Variants in DAZAP1 observed in about 807,000 individuals in gnomAD.
DAZAP1 encodes the protein DAZ associated protein 1.
Under a neutral mutation model 60.1 loss-of-function variants are expected in DAZAP1, and 6 were observed. That is an observed-to-expected ratio of 0.10 (90% CI 0.05 to 0.20). DAZAP1 has a LOEUF of 0.20. DAZAP1 is among the 10% of genes least tolerant of loss of function. The pLI is 1.00. For missense variants in DAZAP1, 366 were observed against 560.4 expected, an observed-to-expected ratio of 0.65 and a Z score of 3.50; for synonymous variants, 235 against 215.9, an observed-to-expected ratio of 1.09 and a Z score of -0.78.
chr19:1,429,861 C>T, intron 8 of DAZAP1, 106 bp from the exon 9 acceptor site: 1 of 1,398,436 alleles, frequency 7.2e-7, no homozygotes, highest in Non-Finnish European at 9.9e-7. Context: ...GCACAGGAGG[C>T]TCCGGGGTTG....
At chr19:1,430,040 T>A (rs532715486) in intron 9 of DAZAP1, 44 bp downstream of exon 9, 1 of 1,578,418 alleles carries the variant, frequency 6.3e-7, no homozygotes, top group African/African-American at 1.3e-5. Flanking sequence ...AGAAGCCACA[T>A]GGCAGGCTGA....
chr19:1,410,609 G>T (rs1050149476), intron 1 of DAZAP1, among the ~76,000 whole-genome samples: 4 of 152,230 alleles, frequency 2.6e-5, no homozygotes, highest in Non-Finnish European at 5.9e-5. Flanking sequence ...CGCGGCCGGG[G>T]TCGCCACATC....
chr19:1,408,531 C>T (rs2082731156), intron 1 of DAZAP1, among the ~76,000 whole-genome samples: 1 of 151,948 alleles, frequency 6.6e-6, no homozygotes, highest in African/African-American at 2.4e-5. Context: ...TCCCCGCTCC[C>T]ATCCCACCCC....
rs1311133230 is a variant in DAZAP1, at chr19:1,418,096, G to A, written c.71-108G>A. 4 of 1,155,596 alleles carry A rather than the reference G, an allele frequency of 3.5e-6. No homozygotes were observed. The highest frequency in any genetic ancestry group is 1.9e-5 in the Admixed American group (1 of 52,814). The allele number at this position is 1,155,596 out of a possible 1,614,324, so 71.6% of individuals were successfully genotyped here. ...CCCCACCCCCAGTGCAGCATCGCTC[G>A]GTGCGTGGCTGGTGGACTGGAGGAG... On this transcript the variant is annotated intron_variant, in intron 2 of 11. Transcript: ENST00000233078. This position sits in a 1 kb window ranked among gnomAD's most constrained non-coding sequence, Gnocchi z 5.7.
In DAZAP1 at chr19:1,422,311, C is replaced by T. The variant is rs2083181085; in HGVS notation, c.415-37C>T. On this transcript the variant is annotated intron_variant, in intron 5 of 11. Transcript: ENST00000233078. This position sits in a 1 kb window ranked among gnomAD's most constrained non-coding sequence, Gnocchi z 4.5. The stretch of plus-strand genomic sequence containing the variant: ...CTCGGAAGACCACCTGTGGTGCTGG[C>T]CCTGGTGTCCGTGCTGACGCCACCC... The T allele has an allele frequency of 2.5e-6, 4 of 1,603,002 alleles. No homozygotes were observed. In the Admixed American group the frequency reaches 5.0e-5, roughly 20 times the overall value.
At position 1,425,510 on chromosome 19, in the gene DAZAP1, T is replaced by G. The variant is rs1468139897; in HGVS notation, c.464-368T>G. 3.3e-5 allele frequency among the ~76,000 whole-genome samples: 5 copies of G among 152,234 alleles called. No homozygotes were observed. The highest frequency in any genetic ancestry group is 1.3e-4 in the Admixed American group (2 of 15,290). On this transcript the variant is annotated intron_variant, in intron 6 of 11. Transcript: ENST00000233078. This position sits in a 1 kb window ranked among gnomAD's most constrained non-coding sequence, Gnocchi z 5.4. ...TCTGACCCTCCCCTGGGGGGCGCTT[T>G]GTCTGCCAGTAGCGATGGAGGCCCT...
chr19:1,415,951 G>A (rs2082971714), intron 1 of DAZAP1: 2 of 152,132 alleles, frequency 1.3e-5, no homozygotes, highest in Non-Finnish European at 2.9e-5. Context: ...GTGGGAACAT[G>A]CTTTGTTTTT....
intron 1 of DAZAP1, among the ~76,000 whole-genome samples, chr19:1,408,401 G>C (rs905185157): frequency 5.9e-5 from 9 of 152,178 alleles, no homozygotes; most frequent in Non-Finnish European, 2.9e-5. Context: ...ACTGTGGCGT[G>C]GGGGGTGGTC....
Position 1,432,340 on chromosome 19 carries a change from C to T in DAZAP1, c.872-174C>T. ...GTGTGTGTTTCCTGGGGGGAGCGGCCCGGGACCGTGGCTCTGTGGTCCATT... is the reference window on the plus strand; with the variant it reads ...GTGTGTGTTTCCTGGGGGGAGCGGCTCGGGACCGTGGCTCTGTGGTCCATT... On this transcript the variant is annotated intron_variant, in intron 10 of 11. Coordinates refer to ENST00000233078, the MANE Select transcript of DAZAP1 (RefSeq NM_018959.4). The surrounding 1 kb of genome is among the most constrained non-coding windows in gnomAD (Gnocchi z 4.9). 1 of 701,970 alleles carries T rather than the reference C, an allele frequency of 1.4e-6. No homozygotes were observed. Among genetic ancestry groups the T allele is most frequent in the Non-Finnish European group, 2.5e-6 (1 of 400,954 alleles). 43.5% of individuals were successfully genotyped at this position (701,970 alleles called of 1,614,324 possible).
intron 8 of DAZAP1, among the ~76,000 whole-genome samples, chr19:1,429,406 G>A (rs905336884): frequency 7.9e-5 from 12 of 152,234 alleles, no homozygotes; most frequent in African/African-American, 2.4e-4. Flanking sequence ...GCCACCTGCC[G>A]TTCCCTCTGC....
chr19:1,432,394 C>T lies in DAZAP1; in HGVS notation c.872-120C>T. ...TGGATGTCCACAAGGCCTGGGCGTT[C>T]TGTGGGTTTGGGTGGCAGTCCCGTC... On this transcript the variant is annotated intron_variant, in intron 10 of 11. Coordinates refer to ENST00000233078, the MANE Select transcript of DAZAP1 (RefSeq NM_018959.4). This position sits in a 1 kb window ranked among gnomAD's most constrained non-coding sequence, Gnocchi z 4.9. 1 of 1,033,660 alleles carries T rather than the reference C, an allele frequency of 9.7e-7. No homozygotes were observed. The highest frequency in any genetic ancestry group is 1.3e-5 in the South Asian group (1 of 74,162). The allele number at this position is 1,033,660 out of a possible 1,614,324, so 64.0% of individuals were successfully genotyped here.
At chr19:1,413,336 C>T (rs1214613306) in intron 1 of DAZAP1, among the ~76,000 whole-genome samples, 1 of 152,260 alleles carries the variant, frequency 6.6e-6, no homozygotes, top group African/African-American at 2.4e-5. Context: ...CTGGGAGGTG[C>T]CTGCCCAGGG....
chr19:1,409,188 C>T (rs1348175789), intron 1 of DAZAP1, among the ~76,000 whole-genome samples: 2 of 152,240 alleles, frequency 1.3e-5, no homozygotes, highest in East Asian at 3.8e-4. Flanking sequence ...GTCCGTGTGC[C>T]TGTGTGAGGG....
intron 9 of DAZAP1, 96 bp from the exon 10 acceptor site, chr19:1,430,126 G>A (rs775125336): frequency 6.6e-7 from 1 of 1,507,738 alleles, no homozygotes; most frequent in Non-Finnish European, 9.1e-7. Flanking sequence ...AGAGGGTGAG[G>A]GGCCTGCTAG....
At position 1,423,426 on chromosome 19, in the gene DAZAP1, C is replaced by T. The variant is rs2083217815; in HGVS notation, c.463+1030C>T. 1.3e-5 allele frequency among the ~76,000 whole-genome samples: 2 copies of T among 152,236 alleles called. No homozygotes were observed. Among genetic ancestry groups the T allele is most frequent in the Non-Finnish European group, 2.9e-5 (2 of 68,046 alleles). On this transcript the variant is annotated intron_variant, in intron 6 of 11. Coordinates refer to ENST00000233078, the MANE Select transcript of DAZAP1 (RefSeq NM_018959.4). The surrounding 1 kb of genome is among the most constrained non-coding windows in gnomAD (Gnocchi z 6.8). Reference sequence around the variant, plus strand: ...ATTAACGATATCTCTTTAGATTTCTCTTCTCCAGGTGCTAAATTATATCAC... The same window carrying T: ...ATTAACGATATCTCTTTAGATTTCTTTTCTCCAGGTGCTAAATTATATCAC...
chr19:1,430,167 C>T, intron 9 of DAZAP1, 55 bp from the exon 10 acceptor site: 1 of 1,559,268 alleles, frequency 6.4e-7, no homozygotes, highest in Non-Finnish European at 8.7e-7. Context: ...CTAACTGTGG[C>T]CAGTCTGTGT....
chr19:1,410,540 A>G (rs1250695301), intron 1 of DAZAP1, among the ~76,000 whole-genome samples: 1 of 152,208 alleles, frequency 6.6e-6, no homozygotes, highest in African/African-American at 2.4e-5. Flanking sequence ...TGGCCTTGTG[A>G]AGTCATCTTA....
intron 10 of DAZAP1, among the ~76,000 whole-genome samples, chr19:1,431,213 C>T (rs572060474): frequency 5.3e-4 from 81 of 151,780 alleles, no homozygotes; most frequent in African/African-American, 2.0e-3. Context: ...ACTGCAAGCT[C>T]CACCTCCTGG....
rs2083275310 is a variant in DAZAP1, at chr19:1,425,162, T to C, written c.464-716T>C. On this transcript the variant is annotated intron_variant, in intron 6 of 11. Transcript: ENST00000233078. This position sits in a 1 kb window ranked among gnomAD's most constrained non-coding sequence, Gnocchi z 5.4. Reference sequence around the variant, plus strand: ...TCTTTGTGCATTGTTTCTCTACCTGTATAGAACATGCATAGATGTCTACGA... The same window carrying C: ...TCTTTGTGCATTGTTTCTCTACCTGCATAGAACATGCATAGATGTCTACGA... Among the ~76,000 whole-genome samples, 1 of 152,222 alleles carries C rather than the reference T, an allele frequency of 6.6e-6. No homozygotes were observed. The highest frequency in any genetic ancestry group is 1.5e-5 in the Non-Finnish European group (1 of 68,030).
Sources: allele counts gnomAD v4.1 joint callset (sites outside exome capture counted in the v4.1 genomes callset), GRCh38; gene constraint gnomAD v4.1.1; non-coding constraint Gnocchi (gnomAD v3.1); transcripts MANE v1.5; gene names NCBI Gene and HGNC (gene_info 2026-07-23, HGNC 2026-07-21).